The following SPTLC1 variants were observed in gnomAD, a reference collection of about 807,000 sequenced individuals.
SPTLC1 encodes the protein serine palmitoyltransferase long chain base subunit 1.
A neutral mutation model predicts 68.9 loss-of-function variants in SPTLC1; 55 were observed. The ratio of observed to expected loss-of-function variants is 0.80; its 90% CI spans 0.64 to 1.00. The LOEUF (loss-of-function observed/expected upper bound fraction) is 1.00. SPTLC1 is among the 50% of genes least tolerant of loss of function. SPTLC1 has a pLI of 0.00. For missense variants in SPTLC1, 449 were observed against 573.1 expected, an observed-to-expected ratio of 0.78 and a Z score of 2.21; for synonymous variants, 197 against 201.6, an observed-to-expected ratio of 0.98 and a Z score of 0.19.
At chr9:92,083,163 G>C (rs1403780418) in intron 3 of SPTLC1, among the ~76,000 whole-genome samples, 1 of 151,888 alleles carries the variant, frequency 6.6e-6, no homozygotes, top group East Asian at 1.9e-4. Flanking sequence ...TGAGTAGGTT[G>C]TGAAAATTTT....
At chr9:92,093,326 A>G (rs538257673) in intron 3 of SPTLC1, among the ~76,000 whole-genome samples, 87 of 152,332 alleles carry the variant, frequency 5.7e-4, no homozygotes, top group African/African-American at 2.0e-3. Context: ...TAAAACCTAC[A>G]GATATTAACT....
At chr9:92,088,004 T>C (rs1835216945) in intron 3 of SPTLC1, among the ~76,000 whole-genome samples, 1 of 152,192 alleles carries the variant, frequency 6.6e-6, no homozygotes, top group South Asian at 2.1e-4. Context: ...CTCAGATTGC[T>C]GTGCTAGCAA....
chr9:92,071,621 CT>C (rs1834494876), intron 5 of SPTLC1, among the ~76,000 whole-genome samples: 1 of 152,188 alleles, frequency 6.6e-6, no homozygotes, highest in African/African-American at 2.4e-5. Flanking sequence ...GATCCCATGA[CT>C]GGTAAGAGGA....
chr9:92,094,191 G>GT lies in SPTLC1; in HGVS notation c.261-13229dup, dbSNP rs527342829. Among the ~76,000 whole-genome samples the GT allele has an allele frequency of 1.1e-3, 167 of 152,266 alleles. 6 individuals carry two copies. The South Asian group carries it at 0.028, about 26-fold the overall frequency. Reference sequence around the variant, plus strand: ...GACCAAGTCAAAATTAAGAAATTTGGTTCAACGAAAGATACCAAAGACAAA... The same window carrying GT: ...GACCAAGTCAAAATTAAGAAATTTGGTTTCAACGAAAGATACCAAAGACAAA... On this transcript the variant is annotated intron_variant, in intron 3 of 14. Coordinates refer to ENST00000262554, the MANE Select transcript of SPTLC1 (RefSeq NM_006415.4).
chr9:92,048,655 A>C (rs2118459991), intron 9 of SPTLC1, among the ~76,000 whole-genome samples: 1 of 152,318 alleles, frequency 6.6e-6, no homozygotes, highest in East Asian at 1.9e-4. Flanking sequence ...TTCATCTATA[A>C]ACATTGCACT....
At chr9:92,041,601 G>C (rs1050654720) in intron 12 of SPTLC1, among the ~76,000 whole-genome samples, 3 of 152,232 alleles carry the variant, frequency 2.0e-5, no homozygotes, top group African/African-American at 7.2e-5. Context: ...CCATGAAGCA[G>C]AAAGAGTGGA....
intron 3 of SPTLC1, among the ~76,000 whole-genome samples, chr9:92,100,090 G>A (rs895082045): frequency 4.3e-5 from 6 of 138,552 alleles, no homozygotes; most frequent in Non-Finnish European, 7.8e-5. Context: ...AGAAAATAAA[G>A]AACAACATAA....
intron 3 of SPTLC1, among the ~76,000 whole-genome samples, chr9:92,083,268 G>T (rs1248169962): frequency 3.9e-5 from 6 of 152,040 alleles, no homozygotes; most frequent in East Asian, 1.9e-4. Context: ...GTCAATTTTG[G>T]CTTTTGTTGC....
At chr9:92,047,042 C>A (rs1035915278) in intron 11 of SPTLC1, 130 bp downstream of exon 11, 37 of 793,550 alleles carry the variant, frequency 4.7e-5, no homozygotes, top group Non-Finnish European at 7.2e-5. Context: ...GCCATTCTTC[C>A]TATGAATGCC....
rs1833501154 is a variant in SPTLC1, at chr9:92,045,999, C to T, written c.1136G>A (p.Gly379Asp). Residue 379 changes from glycine to aspartate, a missense_variant and splice_region_variant, in exon 12 of 15, where the codon GGC becomes GAC. Gly to Asp is a moderately conservative substitution (Grantham distance 94, BLOSUM62 -1). Around this residue, in one of 3 missense-constraint regions of SPTLC1, gnomAD observed 391 missense variants for 472.1 expected, o/e 0.83. Transcript: ENST00000262554. ...KCGQIHKALQ[G>D]ISGLKVVGES... is the part of the protein sequence containing the mutation. ...TTGGTTGAAAATATATAAAACTCAC[C>T]CTTGTAAAGCTTTATGAATTTGTCC... 6.2e-7 allele frequency: 1 copy of T among 1,612,426 alleles called. No individual in the cohort carries two copies. Among genetic ancestry groups the T allele is most frequent in the Admixed American group, 1.7e-5 (1 of 59,936 alleles).
chr9:92,066,831 T>A (rs898863158), intron 6 of SPTLC1, among the ~76,000 whole-genome samples: 1 of 150,692 alleles, frequency 6.6e-6, no homozygotes, highest in African/African-American at 2.4e-5. Flanking sequence ...ATACAAAAAA[T>A]TAGCTAGGTT....
chr9:92,109,653 C>T (rs1240970551), intron 2 of SPTLC1: 3 of 152,298 alleles, frequency 2.0e-5, no homozygotes, highest in Admixed American at 1.3e-4. Flanking sequence ...CAACAATTCT[C>T]ACCATCTGCC....
At chr9:92,045,826 TA>T (rs1833494428) in intron 12 of SPTLC1, among the ~76,000 whole-genome samples, 172 bp downstream of exon 12, 1 of 152,222 alleles carries the variant, frequency 6.6e-6, no homozygotes, top group South Asian at 2.1e-4. Context: ...CACGATTCTT[TA>T]AAACAGATGA....
At chr9:92,053,774 G>A (rs1833790372) in intron 8 of SPTLC1, 1 of 166,618 alleles carries the variant, frequency 6.0e-6, no homozygotes, top group Non-Finnish European at 1.2e-5. Flanking sequence ...AAGAAAATGG[G>A]GAGTGACTGT....
chr9:92,104,336 C>T (rs1261808873), intron 3 of SPTLC1: 5 of 1,393,268 alleles, frequency 3.6e-6, no homozygotes, highest in Non-Finnish European at 4.6e-6. Context: ...CCTGTGCCTG[C>T]CCCGGGAATC....
At chr9:92,089,045 C>T (rs548804018) in intron 3 of SPTLC1, among the ~76,000 whole-genome samples, 9 of 152,200 alleles carry the variant, frequency 5.9e-5, no homozygotes, top group Non-Finnish European at 8.8e-5. Flanking sequence ...TGCCCAAGAA[C>T]GCGAGACGCT....
At chr9:92,077,196 C>T (rs763968272) in intron 5 of SPTLC1, among the ~76,000 whole-genome samples, 3 of 152,148 alleles carry the variant, frequency 2.0e-5, no homozygotes, top group East Asian at 3.8e-4. Flanking sequence ...AACTCTTACA[C>T]GGCCGCACCT....
rs1342702789 is a variant in SPTLC1, at chr9:92,032,018, T to C, written c.*447A>G. On this transcript the variant is annotated 3_prime_UTR_variant, in exon 15 of 15. Transcript: ENST00000262554. ...CTTCAATATAAATTTGTACCACATATGTTGAAGTGTTCCTCTTAGCTTTAA... is the reference window on the plus strand; with the variant it reads ...CTTCAATATAAATTTGTACCACATACGTTGAAGTGTTCCTCTTAGCTTTAA... The C allele has an allele frequency of 1.5e-5, 6 of 397,810 alleles. No individual in the cohort carries two copies. The highest frequency in any genetic ancestry group is 1.2e-4 in the African/African-American group (6 of 48,904). 24.6% of individuals were successfully genotyped at this position (397,810 alleles called of 1,614,324 possible). A position where few individuals can be genotyped will look rare whatever the true frequency, so the allele number is the denominator to read the frequency against.
At chr9:92,091,482 A>C (rs1835359778) in intron 3 of SPTLC1, among the ~76,000 whole-genome samples, 1 of 152,260 alleles carries the variant, frequency 6.6e-6, no homozygotes, top group Non-Finnish European at 1.5e-5. Flanking sequence ...ATTAGAATAA[A>C]ACTGCTGCAT....
Sources: gnomAD v4.1 joint callset for allele counts (sites outside exome capture counted in the v4.1 genomes callset) on GRCh38, gnomAD v4.1.1 for gene constraint, gnomAD v4.1.1 regional missense constraint, MANE v1.5 for transcripts, NCBI Gene and HGNC (gene_info 2026-07-23, HGNC 2026-07-21) for gene names.